Variants in RARS1 observed in about 807,000 individuals in gnomAD.
RARS1 encodes the protein arginine--tRNA ligase, cytoplasmic.
Under a neutral mutation model 78.7 loss-of-function variants are expected in RARS1, and 75 were observed. The observed-to-expected ratio is 0.95, with a 90% CI of 0.79 to 1.15. The LOEUF (loss-of-function observed/expected upper bound fraction) is 1.15, where lower values mean the gene tolerates loss of function less well. RARS1 is among the 50% of genes most tolerant of loss of function. RARS1 has a pLI of 0.00. For synonymous variants in RARS1, 273 were observed against 268.2 expected (o/e 1.02, Z -0.18); for missense variants, 787 against 787.5 (o/e 1.00, Z 0.01).
intron 6 of RARS1, among the ~76,000 whole-genome samples, chr5:168,496,338 C>T (rs1758185208): frequency 6.8e-6 from 1 of 147,370 alleles, no homozygotes; most frequent in Non-Finnish European, 1.5e-5. Context: ...GAGATCGTGC[C>T]ACTGCACTCC....
chr5:168,512,884 C>T (rs1271011325), intron 12 of RARS1, among the ~76,000 whole-genome samples: 5 of 152,190 alleles, frequency 3.3e-5, no homozygotes, highest in African/African-American at 9.7e-5. Flanking sequence ...TCCTTCAGTC[C>T]AGTCAAGTTG....
intron 11 of RARS1, among the ~76,000 whole-genome samples, chr5:168,509,441 C>A (rs1232071799): frequency 1.9e-4 from 9 of 48,080 alleles, no homozygotes; most frequent in African/African-American, 8.4e-5. Context: ...TTTAAACACC[C>A]CCCCCCCCCC....
At chr5:168,510,761 G>A in intron 12 of RARS1, 75 bp downstream of exon 12, 1 of 1,094,426 alleles carries the variant, frequency 9.1e-7, no homozygotes, top group South Asian at 1.6e-5. Context: ...TGAGAGAACT[G>A]AGGAGAAGTG....
intron 9 of RARS1, among the ~76,000 whole-genome samples, chr5:168,503,115 G>A (rs1278998643): frequency 6.6e-6 from 1 of 152,144 alleles, no homozygotes; most frequent in African/African-American, 2.4e-5. Context: ...AGGCAATGAG[G>A]CAGTGTCTGG....
At chr5:168,505,871 GA>G (rs1360191700) in intron 9 of RARS1, 149 bp from the exon 10 acceptor site, 1 of 748,086 alleles carries the variant, frequency 1.3e-6, no homozygotes, top group South Asian at 2.2e-5. Flanking sequence ...TCATGGTGAG[GA>G]AAAAATTATG....
Position 168,495,436 on chromosome 5 carries a change from G to A in RARS1, c.701G>A (p.Arg234Lys), listed in dbSNP as rs761704410. ...GAATTTGCAGGGTATGACGTGCTCA[G>A]GTATGTGCTCTTGCCTTGCGTACTA... The part of the protein sequence containing the change: ...LFEFAGYDVL[R>K]LNHVGDWGTQ... The change falls in exon 6 of 15, where the codon AGG (arginine) becomes AAG (lysine). Residue 234 changes from arginine (R) to lysine (K), a missense_variant and splice_region_variant. Arg to Lys is a conservative substitution (Grantham distance 26). Coordinates refer to ENST00000231572, the MANE Select transcript of RARS1 (RefSeq NM_002887.4). 6.2e-7 allele frequency: 1 copy of A among 1,612,458 alleles called. No individual in the cohort carries two copies. Among genetic ancestry groups the A allele is most frequent in the East Asian group, 2.2e-5 (1 of 44,826 alleles).
chr5:168,517,044 G>A (rs1416061011), intron 13 of RARS1, 94 bp downstream of exon 13: 80 of 1,314,830 alleles, frequency 6.1e-5, no homozygotes, highest in Non-Finnish European at 8.0e-5. Context: ...GAAATGAGAC[G>A]GGGTCTTGGG....
At chr5:168,511,984 C>G (rs533566278) in intron 12 of RARS1, among the ~76,000 whole-genome samples, 2 of 152,258 alleles carry the variant, frequency 1.3e-5, no homozygotes, top group East Asian at 3.9e-4. Flanking sequence ...TCTACCTCAG[C>G]CTCCCGGGTA....
Position 168,516,817 on chromosome 5 carries a change from G to A in RARS1, c.1492G>A (p.Val498Ile), listed in dbSNP as rs149853748. The A allele has an allele frequency of 1.5e-4, 245 of 1,614,074 alleles. No homozygotes were observed. The African/African-American group carries it at 2.0e-3, about 13-fold the overall frequency. The change falls in exon 13 of 15, where the codon GTT (valine) becomes ATT (isoleucine). Residue 498 changes from valine (V) to isoleucine (I), a missense_variant. Val to Ile is a conservative substitution (Grantham distance 29, BLOSUM62 3). Coordinates refer to ENST00000231572, the MANE Select transcript of RARS1 (RefSeq NM_002887.4). ...AEELNAAQTS[V>I]AYGCIKYADL... ...GGAATTGAATGCTGCTCAGACATCC[G>A]TTGCGTATGGCTGCATCAAATATGC...
chr5:168,493,184 C>T (rs760564253), intron 3 of RARS1: 3 of 177,108 alleles, frequency 1.7e-5, no homozygotes, highest in Non-Finnish European at 3.6e-5. Context: ...ATTTACCAGT[C>T]AGCATCCCAA....
chr5:168,489,215 T>C (rs1403642959), intron 2 of RARS1, among the ~76,000 whole-genome samples: 1 of 151,942 alleles, frequency 6.6e-6, no homozygotes, highest in African/African-American at 2.4e-5. Flanking sequence ...GATGGGGTCT[T>C]GCTGTGTTGG....
At chr5:168,508,595 G>A (rs1027374266) in intron 11 of RARS1, among the ~76,000 whole-genome samples, 3 of 144,350 alleles carry the variant, frequency 2.1e-5, no homozygotes, top group African/African-American at 7.8e-5. Flanking sequence ...ACTCCAGCGT[G>A]GGCGACAGAG....
chr5:168,494,521 T>G (rs1758143236), intron 4 of RARS1, 29 bp from the exon 5 acceptor site: 1 of 1,605,114 alleles, frequency 6.2e-7, no homozygotes, highest in Non-Finnish European at 8.5e-7. Context: ...TAAGACAGTA[T>G]CTGATATTTT....
At chr5:168,498,428 G>A (rs1275846806) in intron 7 of RARS1, among the ~76,000 whole-genome samples, 1 of 151,996 alleles carries the variant, frequency 6.6e-6, no homozygotes, top group Non-Finnish European at 1.5e-5. Flanking sequence ...AATGCCTATT[G>A]TGATCAACTT....
chr5:168,488,509 T>G (rs1758015024), intron 1 of RARS1, 93 bp from the exon 2 acceptor site: 2 of 1,340,826 alleles, frequency 1.5e-6, no homozygotes, highest in African/African-American at 2.9e-5. Flanking sequence ...AAAGGGAACA[T>G]TAATGATTCC....
intron 12 of RARS1, among the ~76,000 whole-genome samples, chr5:168,514,424 A>C (rs1758624678): frequency 6.6e-6 from 1 of 152,076 alleles, no homozygotes; most frequent in Non-Finnish European, 1.5e-5. Context: ...AATATTTTCT[A>C]CTTCAGAGAA....
At chr5:168,516,754 A>G (rs201817579) in intron 12 of RARS1, 24 bp from the exon 13 acceptor site, 5 of 1,612,240 alleles carry the variant, frequency 3.1e-6, no homozygotes, top group Non-Finnish European at 4.2e-6. Context: ...TAAGCTATGA[A>G]ATACTGTTTT....
chr5:168,494,459 G>A, intron 4 of RARS1, 91 bp from the exon 5 acceptor site: 1 of 1,548,026 alleles, frequency 6.5e-7, no homozygotes, highest in Admixed American at 2.0e-5. Context: ...AATTTTGCCA[G>A]AGCCAGGTCA....
chr5:168,495,082 T>C, intron 5 of RARS1: 1 of 645,726 alleles, frequency 1.5e-6, no homozygotes, highest in Non-Finnish European at 2.3e-6. Context: ...ATAGAATGGA[T>C]AATTTGTATA....
Sources: allele counts gnomAD v4.1 joint callset (sites outside exome capture counted in the v4.1 genomes callset), GRCh38; gene constraint gnomAD v4.1.1; transcripts MANE v1.5; gene names NCBI Gene and HGNC (gene_info 2026-07-23, HGNC 2026-07-21).